AGPS: variants seen among roughly 807,000 people sequenced by gnomAD.
AGPS encodes alkyldihydroxyacetonephosphate synthase, peroxisomal.
A neutral mutation model predicts 90.7 loss-of-function variants in AGPS; 26 were observed. That is an observed-to-expected ratio of 0.29 (90% CI 0.21 to 0.40). AGPS has a LOEUF of 0.40. Among genes scored for constraint, AGPS ranks in the 10% least tolerant of loss-of-function variants. The probability of loss-of-function intolerance (pLI) is 1.00; values close to 1 mark genes in which losing one functional copy is unlikely to be tolerated. For missense variants in AGPS, 540 were observed against 816.1 expected (o/e 0.66, Z 4.12); for synonymous variants, 294 against 285.3 (o/e 1.03, Z -0.31).
chr2:177,468,924 TAAAA>T (rs1242662803), intron 10 of AGPS, among the ~76,000 whole-genome samples: 3 of 152,096 alleles, frequency 2.0e-5, no homozygotes, highest in Non-Finnish European at 2.9e-5. Flanking sequence ...ATGTATTTTA[TAAAA>T]TTAATTACTA....
intron 1 of AGPS, among the ~76,000 whole-genome samples, chr2:177,401,360 C>T (rs1388252684): frequency 1.3e-5 from 2 of 152,022 alleles, no homozygotes; most frequent in East Asian, 3.9e-4. Flanking sequence ...TGAATTTATT[C>T]AAATTAATAA....
rs1378862223 is a variant in AGPS, at chr2:177,499,613, T to G, written c.1363-5T>G. The G allele has an allele frequency of 1.3e-6, 2 of 1,573,502 alleles. No homozygotes were observed. Among genetic ancestry groups the G allele is most frequent in the Non-Finnish European group, 1.7e-6 (2 of 1,146,736 alleles). On this transcript the variant is annotated splice_polypyrimidine_tract_variant and splice_region_variant and intron_variant, in intron 13 of 19. Coordinates refer to ENST00000264167, the MANE Select transcript of AGPS (RefSeq NM_003659.4). ...CTGTAATAATAAATTTTTTTTTTTT[T>G]GTAGTTTAAAGGATTTGACCCAAAT...
intron 17 of AGPS, among the ~76,000 whole-genome samples, chr2:177,517,741 GAT>G (rs1231492642): frequency 6.6e-6 from 1 of 152,052 alleles, no homozygotes; most frequent in Non-Finnish European, 1.5e-5. Context: ...CTCAAATGCT[GAT>G]ATCTCATGTA....
intron 8 of AGPS, among the ~76,000 whole-genome samples, chr2:177,459,680 G>T (rs1687228653): frequency 1.3e-5 from 2 of 152,224 alleles, no homozygotes; most frequent in Non-Finnish European, 2.9e-5. Flanking sequence ...ATATGCTGGA[G>T]AGGTTGTGGA....
intron 8 of AGPS, among the ~76,000 whole-genome samples, chr2:177,458,614 C>T (rs564486450): frequency 6.6e-6 from 1 of 152,132 alleles, no homozygotes; most frequent in East Asian, 1.9e-4. Context: ...ATCCAACTTA[C>T]AAGGGATGTG....
At chr2:177,480,384 A>AT (rs1178140704) in intron 10 of AGPS, among the ~76,000 whole-genome samples, 1 of 152,208 alleles carries the variant, frequency 6.6e-6, no homozygotes. Flanking sequence ...ACACCATGGA[A>AT]TACTATGCAG....
intron 1 of AGPS, among the ~76,000 whole-genome samples, chr2:177,401,094 A>C (rs533753670): frequency 3.3e-5 from 5 of 152,342 alleles, no homozygotes; most frequent in African/African-American, 9.6e-5. Flanking sequence ...TGTGTTATCC[A>C]GTATCATAGC....
intron 5 of AGPS, among the ~76,000 whole-genome samples, chr2:177,437,492 C>G (rs1686450284): frequency 6.6e-6 from 1 of 152,018 alleles, no homozygotes; most frequent in African/African-American, 2.4e-5. Context: ...TTTATGCATG[C>G]TATGTTTAAA....
At chr2:177,484,463 C>T (rs1161639559) in intron 11 of AGPS, among the ~76,000 whole-genome samples, 1 of 151,752 alleles carries the variant, frequency 6.6e-6, no homozygotes, top group Non-Finnish European at 1.5e-5. Context: ...CTTGCCTCAG[C>T]CTCCCGAGTA....
intron 11 of AGPS, 28 bp downstream of exon 11, chr2:177,482,214 T>A: frequency 1.7e-6 from 2 of 1,195,224 alleles, no homozygotes. Flanking sequence ...TATATATACA[T>A]ACATACATAT....
intron 19 of AGPS, among the ~76,000 whole-genome samples, chr2:177,526,953 A>G (rs2079093695): frequency 6.6e-6 from 1 of 152,222 alleles, no homozygotes; most frequent in Non-Finnish European, 1.5e-5. Flanking sequence ...TTCTGAATAT[A>G]AAGTAACTGG....
intron 11 of AGPS, among the ~76,000 whole-genome samples, chr2:177,483,350 ACT>A (rs1688002575): frequency 6.6e-6 from 1 of 152,104 alleles, no homozygotes; most frequent in African/African-American, 2.4e-5. Flanking sequence ...TTTCTAAGAC[ACT>A]CTTTCTGTCT....
chr2:177,457,183 A>T (rs569261280), intron 8 of AGPS, among the ~76,000 whole-genome samples: 3 of 152,376 alleles, frequency 2.0e-5, no homozygotes, highest in Non-Finnish European at 2.9e-5. Flanking sequence ...TCTGGGACAC[A>T]TTTAAAGCAG....
At chr2:177,455,211 G>T (rs1687076691) in intron 8 of AGPS, among the ~76,000 whole-genome samples, 1 of 152,120 alleles carries the variant, frequency 6.6e-6, no homozygotes, top group East Asian at 1.9e-4. Context: ...GGCACACTCT[G>T]CAGATCTCCA....
chr2:177,483,173 G>T (rs899765440), intron 11 of AGPS, among the ~76,000 whole-genome samples: 1 of 151,994 alleles, frequency 6.6e-6, no homozygotes, highest in Non-Finnish European at 1.5e-5. Flanking sequence ...AATTTGTAAG[G>T]TACAGAAATG....
At position 177,489,651 on chromosome 2, in the gene AGPS, C is replaced by T. The variant is rs549726596; in HGVS notation, c.1234-3497C>T. 1.4e-4 allele frequency among the ~76,000 whole-genome samples: 21 copies of T among 152,208 alleles called. No individual in the cohort carries two copies. In the South Asian group the frequency reaches 4.1e-3, roughly 30 times the overall value. On this transcript the variant is annotated intron_variant, in intron 11 of 19. Coordinates refer to ENST00000264167, the MANE Select transcript of AGPS (RefSeq NM_003659.4). ...AGTATACTGATATTTCTGTATTAGT[C>T]CATATCAGGTTTCATATAGTTTCAG...
At chr2:177,521,408 A>T in intron 18 of AGPS, 40 bp downstream of exon 18, 1 of 1,444,644 alleles carries the variant, frequency 6.9e-7, no homozygotes, top group African/African-American at 1.4e-5. Context: ...ACAGCTGTTG[A>T]TTAATTTCAA....
chr2:177,522,895 A>C (rs907343959), intron 18 of AGPS, among the ~76,000 whole-genome samples: 2 of 152,104 alleles, frequency 1.3e-5, no homozygotes, highest in Non-Finnish European at 2.9e-5. Flanking sequence ...TAGATATTTT[A>C]CCTCGTAGCC....
In AGPS at chr2:177,392,854, C is replaced by G. The variant is rs767584572; in HGVS notation, c.65C>G (p.Ala22Gly). The change falls in exon 1 of 20, where the codon GCA (alanine) becomes GGA (glycine). Residue 22 changes from alanine to glycine, a missense_variant. Transcript: ENST00000264167. ...GLGAGASYGS[A>G]ADRDRDPDPD... is the part of the protein sequence containing the mutation. ...GGCGCGGGCGCGAGCTACGGGTCTG[C>G]AGCGGACCGGGACCGGGACCCGGAC... 634 of 1,553,518 alleles carry G rather than the reference C, an allele frequency of 4.1e-4. 1 individual carries two copies. The highest frequency in any genetic ancestry group is 4.9e-4 in the Non-Finnish European group (561 of 1,153,552).
Sources: gnomAD v4.1 joint callset for allele counts (sites outside exome capture counted in the v4.1 genomes callset) on GRCh38, gnomAD v4.1.1 for gene constraint, MANE v1.5 for transcripts, NCBI Gene and HGNC (gene_info 2026-07-23, HGNC 2026-07-21) for gene names.